Variants in MGAT4C observed in about 807,000 individuals in gnomAD.
The protein encoded by MGAT4C is MGAT4 family member C.
MGAT4C carries 19 observed loss-of-function variants against 40.1 expected under a neutral mutation model. The ratio of observed to expected loss-of-function variants is 0.47; its 90% CI spans 0.33 to 0.70. The LOEUF (loss-of-function observed/expected upper bound fraction) is 0.70, where lower values mean the gene tolerates loss of function less well. Ranked by LOEUF, MGAT4C falls within the 30% of genes least tolerant of loss-of-function variation. The probability of loss-of-function intolerance (pLI) is 0.02; values close to 1 mark genes in which losing one functional copy is unlikely to be tolerated. For missense variants in MGAT4C, 491 were observed against 563.2 expected (o/e 0.87, Z 1.30); for synonymous variants, 181 against 187.1 (o/e 0.97, Z 0.27).
rs1171555926 is a variant in MGAT4C, at chr12:85,968,998, G to C, written c.*10291C>G. Reference sequence around the variant, plus strand: ...GTCATTTCTGTTTTAATACTTCATAGACTTGTAAGGATGTAATGTAGTGTT... The same window carrying C: ...GTCATTTCTGTTTTAATACTTCATACACTTGTAAGGATGTAATGTAGTGTT... On this transcript the variant is annotated 3_prime_UTR_variant, in exon 5 of 5. Coordinates refer to ENST00000611864, the MANE Select transcript of MGAT4C (RefSeq NM_001351288.2). 4 of 151,748 alleles carry C rather than the reference G, an allele frequency of 2.6e-5. No homozygotes were observed. Among genetic ancestry groups the C allele is most frequent in the African/African-American group, 9.7e-5 (4 of 41,374 alleles). The allele number at this position is 151,748 out of a possible 1,614,324, so 9.4% of individuals were successfully genotyped here. A position where few individuals can be genotyped will look rare whatever the true frequency, so the allele number is the denominator to read the frequency against.
chr12:86,357,661 C>A (rs1416518167), intron 3 of MGAT4C, among the ~76,000 whole-genome samples: 1 of 152,056 alleles, frequency 6.6e-6, no homozygotes, highest in Non-Finnish European at 1.5e-5. Flanking sequence ...AAAACCATGG[C>A]ACAAGAACTA....
chr12:86,238,611 G>C (rs186314181), intron 1 of MGAT4C, among the ~76,000 whole-genome samples: 1 of 151,926 alleles, frequency 6.6e-6, no homozygotes, highest in East Asian at 1.9e-4. Context: ...TCTTCAAATT[G>C]TTGAGCCTTT....
Position 86,759,322 on chromosome 12 carries a change from T to C in MGAT4C, c.-261-32081A>G, listed in dbSNP as rs185334559. On this transcript the variant is annotated intron_variant, in intron 1 of 7. Transcript: ENST00000548651. The stretch of plus-strand genomic sequence containing the variant: ...ATCCAGGTTGTTTCCTATTTGGCTG[T>C]TGTGAATAGTGCTGCAACAAAGACA... Among the ~76,000 whole-genome samples the C allele has an allele frequency of 2.6e-4, 39 of 152,268 alleles. No individual in the cohort carries two copies. In the East Asian group the frequency reaches 7.5e-3, roughly 29 times the overall value.
intron 2 of MGAT4C, among the ~76,000 whole-genome samples, chr12:86,036,894 T>C (rs1891292138): frequency 6.7e-6 from 1 of 149,970 alleles, no homozygotes; most frequent in Admixed American, 6.7e-5. Flanking sequence ...GTACCTCTGG[T>C]AGAATTTGCC....
intron 4 of MGAT4C, among the ~76,000 whole-genome samples, chr12:86,293,652 G>C (rs1953583382): frequency 6.6e-6 from 1 of 152,182 alleles, no homozygotes; most frequent in African/African-American, 2.4e-5. Flanking sequence ...CTTAGTGTGT[G>C]ATATGGTTTG....
rs1883538149 is a variant in MGAT4C at position 85,969,899 on chromosome 12, G to A, written c.*9390C>T. The A allele has an allele frequency of 6.6e-6, 1 of 151,338 alleles. No homozygotes were observed. Among genetic ancestry groups the A allele is most frequent in the Non-Finnish European group, 1.5e-5 (1 of 67,492 alleles). 9.4% of individuals were successfully genotyped at this position (151,338 alleles called of 1,614,324 possible). On this transcript the variant is annotated 3_prime_UTR_variant, in exon 5 of 5. Transcript: ENST00000611864. ...GGTTGTTTAATCTATTAAATAGACA[G>A]TGAAATGCACATGAAATCTTCACAC...
chr12:86,445,917 A>C (rs1199397131), intron 2 of MGAT4C, among the ~76,000 whole-genome samples: 1 of 152,140 alleles, frequency 6.6e-6, no homozygotes, highest in African/African-American at 2.4e-5. Context: ...GGTACAAAAT[A>C]ATCTTTCAAA....
Position 85,973,353 on chromosome 12 carries a change from A to G in MGAT4C, c.*5936T>C, listed in dbSNP as rs1037533858. ...ATACATCAAAACTATAATTACCTGT[A>G]TTTGGGCAGAATGATTTAGGTTATG... On this transcript the variant is annotated 3_prime_UTR_variant, in exon 5 of 5. Transcript: ENST00000611864. 2.7e-5 allele frequency: 4 copies of G among 150,922 alleles called. No individual in the cohort carries two copies. The highest frequency in any genetic ancestry group is 6.0e-5 in the Non-Finnish European group (4 of 67,102). The allele number at this position is 150,922 out of a possible 1,614,324, so 9.3% of individuals were successfully genotyped here.
intron 1 of MGAT4C, among the ~76,000 whole-genome samples, chr12:86,087,415 A>G (rs1872071115): frequency 6.6e-6 from 1 of 152,044 alleles, no homozygotes; most frequent in South Asian, 2.1e-4. Context: ...CTAGTATTTA[A>G]CTTATTTTAC....
chr12:86,557,646 G>C (rs1959675677), intron 2 of MGAT4C, among the ~76,000 whole-genome samples: 1 of 152,150 alleles, frequency 6.6e-6, no homozygotes, highest in Non-Finnish European at 1.5e-5. Flanking sequence ...TAATTATATG[G>C]AGACTACATA....
chr12:86,408,479 C>CTATATATATATATATATATATATA (rs71076198), intron 3 of MGAT4C, among the ~76,000 whole-genome samples: 1 of 63,368 alleles, frequency 1.6e-5, no homozygotes, highest in African/African-American at 7.8e-5. Flanking sequence ...CTCTCTCTCT[C>CTATATATATATATATATATATATA]TATATATATA....
chr12:85,956,120 T>C lies in MGAT4C; in HGVS notation c.*23169A>G, dbSNP rs1882779842. 1 of 152,232 alleles carries C rather than the reference T, an allele frequency of 6.6e-6. No individual in the cohort carries two copies. The highest frequency in any genetic ancestry group is 2.1e-4 in the South Asian group (1 of 4,836). The allele number at this position is 152,232 out of a possible 1,614,324, so 9.4% of individuals were successfully genotyped here. On this transcript the variant is annotated 3_prime_UTR_variant, in exon 5 of 5. Transcript: ENST00000611864. ...CTTTCAATAACAAAAGATATATTTG[T>C]ATGGTAGCTAGTTTAATTGGATTTG...
In MGAT4C at chr12:86,674,462, G is replaced by A. The variant is rs77299216; in HGVS notation, c.-229+52747C>T. Among the ~76,000 whole-genome samples, 480 of 152,188 alleles carry A rather than the reference G, an allele frequency of 3.2e-3. 1 individual carries two copies. Among genetic ancestry groups the A allele is most frequent in the African/African-American group, 0.011 (463 of 41,542 alleles). ...TGTAATCCCAGCACTTTGTGAGGGC[G>A]AGATGGGAGAATCACCAGAGGTCGA... On this transcript the variant is annotated intron_variant, in intron 2 of 7. Coordinates refer to the MGAT4C transcript ENST00000548651.
intron 1 of MGAT4C, among the ~76,000 whole-genome samples, chr12:86,767,656 AG>A (rs1332427388): frequency 1.3e-5 from 2 of 152,186 alleles, no homozygotes; most frequent in African/African-American, 4.8e-5. Context: ...CACATCAAAA[AG>A]CTTATCTACC....
chr12:86,830,910 A>G (rs1184114731), intron 1 of MGAT4C, among the ~76,000 whole-genome samples: 2 of 151,806 alleles, frequency 1.3e-5, no homozygotes, highest in Non-Finnish European at 2.9e-5. Flanking sequence ...GGCATTTACT[A>G]AAGGTTTAAA....
chr12:86,191,083 GCACACACACA>G (rs56357601), intron 1 of MGAT4C, among the ~76,000 whole-genome samples: 9,530 of 138,374 alleles, frequency 0.069, 480 homozygotes, highest in Admixed American at 0.17. Context: ...CTCTCTCTCT[GCACACACACA>G]CACACACACA....
chr12:86,777,594 C>T (rs1951767913), intron 1 of MGAT4C, among the ~76,000 whole-genome samples: 1 of 152,108 alleles, frequency 6.6e-6, no homozygotes, highest in Non-Finnish European at 1.5e-5. Flanking sequence ...GTCTTTGGCA[C>T]AGAGTTTCTC....
chr12:86,132,190 T>A (rs1881284880), intron 1 of MGAT4C, among the ~76,000 whole-genome samples: 1 of 152,206 alleles, frequency 6.6e-6, no homozygotes, highest in Non-Finnish European at 1.5e-5. Context: ...GAGTACTCAA[T>A]AAATACTTTC....
At chr12:86,723,467 T>C (rs571938087) in intron 2 of MGAT4C, among the ~76,000 whole-genome samples, 102 of 152,192 alleles carry the variant, frequency 6.7e-4, no homozygotes, top group Non-Finnish European at 1.2e-3. Context: ...GCCTGTCTCC[T>C]GGTTTTGGCA....
Sources: gnomAD v4.1 joint callset for allele counts (sites outside exome capture counted in the v4.1 genomes callset) on GRCh38, gnomAD v4.1.1 for gene constraint, MANE v1.5 for transcripts, NCBI Gene and HGNC (gene_info 2026-07-23, HGNC 2026-07-21) for gene names.